CSMD1: variants seen among roughly 807,000 people sequenced by gnomAD.
CSMD1 encodes the protein CUB and sushi domain-containing protein 1.
In CSMD1, 213 loss-of-function variants were observed where a neutral mutation model predicts 417.5. That is an observed-to-expected ratio of 0.51 (90% CI 0.46 to 0.57). The LOEUF is 0.57. CSMD1 is among the 20% of genes least tolerant of loss of function. The pLI is 0.00. For synonymous variants in CSMD1, 2,862 were observed against 1,736.8 expected (o/e 1.65, Z -16.11); for missense variants, 6,923 against 4,529.7 (o/e 1.53, Z -15.17).
At chr8:4,916,256 G>A (rs796548414) in intron 1 of CSMD1, among the ~76,000 whole-genome samples, 5 of 149,196 alleles carry the variant, frequency 3.4e-5, no homozygotes, top group African/African-American at 1.3e-4. Flanking sequence ...GGCACACTAC[G>A]ATGACAAGAA....
intron 2 of CSMD1, among the ~76,000 whole-genome samples, chr8:4,535,272 C>T (rs549291376): frequency 6.6e-6 from 1 of 152,020 alleles, no homozygotes; most frequent in East Asian, 1.9e-4. Flanking sequence ...TAATTTTAAC[C>T]AAAATCACAG....
rs1335486596 is a variant in CSMD1 at position 2,950,238 on chromosome 8, T to C, written c.10307A>G (p.Asp3436Gly). 2 of 1,596,530 alleles carry C rather than the reference T, an allele frequency of 1.3e-6. No homozygotes were observed. Among genetic ancestry groups the C allele is most frequent in the Non-Finnish European group, 1.7e-6 (2 of 1,164,182 alleles). ...CCTTACACATGTACTTACATAACCATCTAGTCCCCAGTTGTCATTTTCGAA... is the reference window on the plus strand; with the variant it reads ...CCTTACACATGTACTTACATAACCACCTAGTCCCCAGTTGTCATTTTCGAA... The part of the protein sequence containing the change: ...SKFENDNWGL[D>G]GYVSSGLERG... Residue 3436 changes from aspartate (D) to glycine (G), a missense_variant, in exon 67 of 70, where the codon GAT becomes GGT. Asp to Gly is a moderately conservative substitution (Grantham distance 94). Transcript: ENST00000635120.
At chr8:3,975,852 T>C (rs1242105052) in intron 5 of CSMD1, among the ~76,000 whole-genome samples, 3 of 152,252 alleles carry the variant, frequency 2.0e-5, no homozygotes, top group African/African-American at 7.2e-5. Flanking sequence ...TTAGTTATTG[T>C]TGTCCTTCAT....
intron 52 of CSMD1, 141 bp from the exon 53 acceptor site, chr8:3,000,272 C>G (rs188474965): frequency 2.4e-6 from 1 of 418,456 alleles, no homozygotes. Flanking sequence ...TATATGTATA[C>G]TTTTAAATAT....
At chr8:3,380,022 A>G (rs983511447) in intron 18 of CSMD1, among the ~76,000 whole-genome samples, 1 of 152,262 alleles carries the variant, frequency 6.6e-6, no homozygotes, top group Non-Finnish European at 1.5e-5. Context: ...CCCAGAATCT[A>G]CAAAGAACTT....
chr8:4,906,236 G>A (rs1585302710), intron 1 of CSMD1, among the ~76,000 whole-genome samples: 1 of 152,302 alleles, frequency 6.6e-6, no homozygotes, highest in Middle Eastern at 3.4e-3. Context: ...TCTAAATTCT[G>A]AAGATGACAC....
intron 39 of CSMD1, among the ~76,000 whole-genome samples, chr8:3,154,847 G>A (rs761563234): frequency 6.6e-6 from 1 of 152,110 alleles, no homozygotes; most frequent in Non-Finnish European, 1.5e-5. Flanking sequence ...ATTTCCAGGA[G>A]CTCTTAAGTA....
At chr8:4,051,920 CTT>C (rs1213018918) in intron 3 of CSMD1, among the ~76,000 whole-genome samples, 10 of 139,338 alleles carry the variant, frequency 7.2e-5, no homozygotes, top group Admixed American at 1.5e-4. Context: ...TCCTTTCTTT[CTT>C]TTTCTTTCTT....
At chr8:3,494,601 T>C (rs891333742) in intron 10 of CSMD1, among the ~76,000 whole-genome samples, 8 of 137,424 alleles carry the variant, frequency 5.8e-5, no homozygotes, top group Admixed American at 1.5e-4. Flanking sequence ...GATAGATAGA[T>C]AGATAGATGA....
chr8:3,782,321 C>A (rs540879747), intron 5 of CSMD1, among the ~76,000 whole-genome samples: 1 of 152,212 alleles, frequency 6.6e-6, no homozygotes, highest in South Asian at 2.1e-4. Flanking sequence ...TTGTATGATA[C>A]TGTGGCCCTA....
chr8:4,649,993 G>A (rs1278766194), intron 1 of CSMD1, among the ~76,000 whole-genome samples: 1 of 152,168 alleles, frequency 6.6e-6, no homozygotes, highest in Non-Finnish European at 1.5e-5. Flanking sequence ...ACATAAGACT[G>A]TCGAGAACTT....
intron 2 of CSMD1, among the ~76,000 whole-genome samples, chr8:4,437,014 T>C (rs1798187259): frequency 6.6e-6 from 1 of 152,176 alleles, no homozygotes; most frequent in Non-Finnish European, 1.5e-5. Flanking sequence ...CCTGATTCTC[T>C]CTATCCCTGA....
At chr8:4,451,501 C>G (rs7813016) in intron 2 of CSMD1, among the ~76,000 whole-genome samples, 2,452 of 152,198 alleles carry the variant, frequency 0.016, 65 homozygotes, top group African/African-American at 0.055. Flanking sequence ...AAATATTAAA[C>G]AAGTTTTCTT....
At chr8:4,112,262 T>C (rs1156336804) in intron 3 of CSMD1, among the ~76,000 whole-genome samples, 2 of 152,116 alleles carry the variant, frequency 1.3e-5, no homozygotes, top group Non-Finnish European at 2.9e-5. Flanking sequence ...AAGGCATCAA[T>C]GAATGTCTCT....
intron 1 of CSMD1, among the ~76,000 whole-genome samples, chr8:4,725,470 A>C (rs918931959): frequency 3.9e-5 from 6 of 152,234 alleles, no homozygotes; most frequent in African/African-American, 1.4e-4. Context: ...TTGATAGCTC[A>C]GAAAATACAT....
intron 5 of CSMD1, among the ~76,000 whole-genome samples, chr8:3,784,652 G>C (rs1047955714): frequency 1.3e-5 from 2 of 152,146 alleles, no homozygotes; most frequent in African/African-American, 4.8e-5. Context: ...AATCTGTTTG[G>C]TTTGGAAATA....
intron 46 of CSMD1, among the ~76,000 whole-genome samples, chr8:3,099,374 G>C (rs1482964871): frequency 6.6e-6 from 1 of 152,024 alleles, no homozygotes; most frequent in Admixed American, 6.5e-5. Context: ...CCCTCATTTT[G>C]TAAGCTCAGG....
chr8:3,309,817 A>G (rs1805186737), intron 23 of CSMD1, among the ~76,000 whole-genome samples: 2 of 152,170 alleles, frequency 1.3e-5, no homozygotes, highest in Non-Finnish European at 2.9e-5. Flanking sequence ...TCACAATATA[A>G]TTTTACCCTG....
At chr8:3,898,258 G>C (rs1021231221) in intron 5 of CSMD1, among the ~76,000 whole-genome samples, 1 of 152,074 alleles carries the variant, frequency 6.6e-6, no homozygotes, top group Non-Finnish European at 1.5e-5. Context: ...TAAAACTACT[G>C]CAAGAAGCAT....
Sources: gnomAD v4.1 joint callset for allele counts (sites outside exome capture counted in the v4.1 genomes callset) on GRCh38, gnomAD v4.1.1 for gene constraint, MANE v1.5 for transcripts, NCBI Gene and HGNC (gene_info 2026-07-23, HGNC 2026-07-21) for gene names.